TULP2: variants seen among roughly 807,000 people sequenced by gnomAD.
TULP2 encodes the protein tubby-related protein 2.
Under a neutral mutation model 60.3 loss-of-function variants are expected in TULP2, and 64 were observed. The observed-to-expected ratio is 1.06, with a 90% confidence interval of 0.87 to 1.31. The LOEUF is 1.31. Ranked by LOEUF, TULP2 falls within the 50% of genes most tolerant of loss-of-function variation. TULP2 has a pLI of 0.00. For synonymous variants in TULP2, 267 were observed against 265.4 expected (o/e 1.01, Z -0.06); for missense variants, 652 against 667.0 (o/e 0.98, Z 0.25).
chr19:48,883,943 C>A lies in TULP2; in HGVS notation c.1165G>T (p.Ala389Ser). 6.2e-7 allele frequency: 1 copy of A among 1,614,014 alleles called. No homozygotes were observed. The highest frequency in any genetic ancestry group is 8.5e-7 in the Non-Finnish European group (1 of 1,179,960). The change falls in exon 10 of 13, where the codon GCT (alanine) becomes TCT (serine). Residue 389 changes from alanine to serine, a missense_variant. By Grantham distance (99) the Ala-to-Ser change is moderately conservative (BLOSUM62 1). Transcript: ENST00000221399. ...NTARIRQELG[A>S]VCYEPNVLGY... is the part of the protein sequence containing the mutation. The stretch of plus-strand genomic sequence containing the variant: ...CCCAGGACACTCACATAACACACAG[C>A]CCCCAGCTCCTGTCTGATCCGGGCA...
intron 7 of TULP2, 112 bp from the exon 8 acceptor site, chr19:48,888,373 G>T: frequency 8.9e-7 from 1 of 1,123,574 alleles, no homozygotes; most frequent in Non-Finnish European, 1.2e-6. Flanking sequence ...CACATTTTCT[G>T]CTTATTGGTC....
chr19:48,888,374 C>T (rs1164439210), intron 7 of TULP2, 113 bp from the exon 8 acceptor site: 8 of 1,112,002 alleles, frequency 7.2e-6, no homozygotes, highest in Non-Finnish European at 8.8e-6. Context: ...ACATTTTCTG[C>T]TTATTGGTCA....
rs1285265988 is a variant in TULP2, at chr19:48,887,338, T to TTTTTTTTTTTTTTTTTTTTTA, written c.948+611_948+612insTAAAAAAAAAAAAAAAAAAAA. Among the ~76,000 whole-genome samples, 2 of 95,254 alleles carry TTTTTTTTTTTTTTTTTTTTTA rather than the reference T, an allele frequency of 2.1e-5. 1 individual carries two copies. The highest frequency in any genetic ancestry group is 4.1e-5 in the Non-Finnish European group (2 of 48,646). The allele number at this position is 95,254 out of a possible 152,430, so 62.5% of individuals were successfully genotyped here. A position where few individuals can be genotyped will look rare whatever the true frequency, so the allele number is the denominator to read the frequency against. On this transcript the variant is annotated intron_variant, in intron 8 of 12. Coordinates refer to ENST00000221399, the MANE Select transcript of TULP2 (RefSeq NM_003323.3). ...TTTTTTTTTTTTTTTTTTTTTTTTTTTTTTTATGCAGAGTCTAACTCTGTC... is the reference window on the plus strand; with the variant it reads ...TTTTTTTTTTTTTTTTTTTTTTTTTTTTTTTTTTTTTTTTTTTTTTATTTTTATGCAGAGTCTAACTCTGTC...
intron 7 of TULP2, 38 bp downstream of exon 7, chr19:48,889,472 C>A (rs1159205731): frequency 6.4e-7 from 1 of 1,561,310 alleles, no homozygotes; most frequent in Admixed American, 1.7e-5. Flanking sequence ...GGCTAGCCCT[C>A]TTCTTCCAAT....
chr19:48,882,278 T>A, intron 11 of TULP2, 75 bp from the exon 12 acceptor site: 2 of 1,549,356 alleles, frequency 1.3e-6, no homozygotes, highest in Non-Finnish European at 1.8e-6. Context: ...CGACTCCATC[T>A]TGAACAGGGG....
At chr19:48,881,211 CTTTTTTTT>C in intron 12 of TULP2, 85 bp from the exon 13 acceptor site, 1 of 178,888 alleles carries the variant, frequency 5.6e-6, no homozygotes, top group South Asian at 4.4e-5. Flanking sequence ...TTTTTTTTTT[CTTTTTTTT>C]TTTTTTTTGA....
Position 48,896,438 on chromosome 19 carries a change from C to A in TULP2, c.203G>T (p.Gly68Val). The A allele has an allele frequency of 5.6e-6, 9 of 1,608,746 alleles. No individual in the cohort carries two copies. Among genetic ancestry groups the A allele is most frequent in the Non-Finnish European group, 7.6e-6 (9 of 1,178,338 alleles). ...RSCLREERLL[G>V]DRGLGNPFLR... Reference sequence around the variant, plus strand: ...CAGGGGTCTTTGGTCACCTCTGTCACCTAAAAGGCGCTCCTCCCGCAGACA... The same window carrying A: ...CAGGGGTCTTTGGTCACCTCTGTCAACTAAAAGGCGCTCCTCCCGCAGACA... The change falls in exon 4 of 13, where the codon GGT becomes GTT. Residue 68 changes from glycine to valine, a missense_variant. By Grantham distance (109) the Gly-to-Val change is moderately radical. Transcript: ENST00000221399.
intron 11 of TULP2, among the ~76,000 whole-genome samples, chr19:48,882,666 C>T (rs546383663): frequency 1.4e-4 from 21 of 152,068 alleles, no homozygotes; most frequent in African/African-American, 5.1e-4. Flanking sequence ...CAACTTAGAA[C>T]TTTTTAAAAG....
rs771092086 is a variant in TULP2, at chr19:48,896,409, C to A, written c.211+21G>T. The A allele has an allele frequency of 4.4e-6, 7 of 1,589,344 alleles. No individual in the cohort carries two copies. The South Asian group carries it at 7.9e-5, about 18-fold the overall frequency. On this transcript the variant is annotated intron_variant, in intron 4 of 12. Coordinates refer to ENST00000221399, the MANE Select transcript of TULP2 (RefSeq NM_003323.3). ...CAGGCCCCTCCCCTCCAGGCGAACG[C>A]CCCCAGGGGTCTTTGGTCACCTCTG...
At chr19:48,888,837 G>T (rs1363082524) in intron 7 of TULP2, among the ~76,000 whole-genome samples, 1 of 152,030 alleles carries the variant, frequency 6.6e-6, no homozygotes, top group Non-Finnish European at 1.5e-5. Flanking sequence ...GGCCAAGCTG[G>T]TCTGGAACTC....
chr19:48,886,920 C>T (rs1290476378), intron 8 of TULP2, among the ~76,000 whole-genome samples: 2 of 150,132 alleles, frequency 1.3e-5, no homozygotes, highest in African/African-American at 2.5e-5. Context: ...CACCTTGCTG[C>T]CCAAGCTGAT....
At chr19:48,892,713 G>A (rs953960260) in intron 6 of TULP2, among the ~76,000 whole-genome samples, 2 of 151,734 alleles carry the variant, frequency 1.3e-5, no homozygotes, top group Non-Finnish European at 2.9e-5. Flanking sequence ...CTGTGGTCTC[G>A]ATCTCCTGAC....
At chr19:48,892,695 G>A (rs984780015) in intron 6 of TULP2, among the ~76,000 whole-genome samples, 3 of 151,814 alleles carry the variant, frequency 2.0e-5, no homozygotes, top group Admixed American at 2.0e-4. Flanking sequence ...AGTAAACGTG[G>A]GGTTTCACTG....
intron 6 of TULP2, among the ~76,000 whole-genome samples, chr19:48,890,572 G>C (rs1370972147): frequency 6.6e-6 from 1 of 152,090 alleles, no homozygotes; most frequent in Non-Finnish European, 1.5e-5. Context: ...CGAACCCACA[G>C]GTGTGGAGGG....
intron 5 of TULP2, 41 bp downstream of exon 5, chr19:48,895,325 C>T (rs747512728): frequency 6.2e-7 from 1 of 1,603,344 alleles, no homozygotes; most frequent in African/African-American, 1.3e-5. Context: ...TTAGTGGGGA[C>T]GGAGTTCTGG....
At chr19:48,884,190 ACAGGGGCTC>A in intron 9 of TULP2, 144 bp from the exon 10 acceptor site, 1 of 689,164 alleles carries the variant, frequency 1.5e-6, no homozygotes. Flanking sequence ...CTGGCTGGGC[ACAGGGGCTC>A]ACACCTGTAA....
intron 7 of TULP2, 151 bp from the exon 8 acceptor site, chr19:48,888,412 G>A (rs2037203423): frequency 7.9e-6 from 6 of 757,028 alleles, no homozygotes; most frequent in South Asian, 3.9e-5. Flanking sequence ...ACCCAGTCAC[G>A]CCCTCCTCTG....
At chr19:48,893,906 G>A (rs1001472879) in intron 6 of TULP2, among the ~76,000 whole-genome samples, 1 of 152,152 alleles carries the variant, frequency 6.6e-6, no homozygotes, top group Admixed American at 6.5e-5. Flanking sequence ...ATTGATTGTG[G>A]TGACGGTTGC....
At chr19:48,890,046 G>A (rs1600004891) in intron 6 of TULP2, among the ~76,000 whole-genome samples, 3 of 152,044 alleles carry the variant, frequency 2.0e-5, no homozygotes, top group Admixed American at 1.3e-4. Context: ...CCCCCAGCCC[G>A]ACACCCGTAA....
Sources: gnomAD v4.1 joint callset for allele counts (sites outside exome capture counted in the v4.1 genomes callset) on GRCh38, gnomAD v4.1.1 for gene constraint, MANE v1.5 for transcripts, NCBI Gene and HGNC (gene_info 2026-07-23, HGNC 2026-07-21) for gene names.